The following CLGN variants were observed in gnomAD, a reference collection of about 807,000 sequenced individuals.
The protein encoded by CLGN is testis tissue sperm-binding protein Li 79P.
CLGN carries 62 observed loss-of-function variants against 79.1 expected under a neutral mutation model. The observed-to-expected ratio is 0.78, with a 90% confidence interval of 0.64 to 0.97. The LOEUF is 0.97. Ranked by LOEUF, CLGN falls within the 50% of genes least tolerant of loss-of-function variation. CLGN has a pLI of 0.00. For missense variants in CLGN, 647 were observed against 715.5 expected (o/e 0.90, Z 1.09); for synonymous variants, 225 against 224.7 (o/e 1.00, Z -0.01).
intron 1 of CLGN, among the ~76,000 whole-genome samples, chr4:140,418,247 C>T (rs1267428575): frequency 6.6e-6 from 1 of 151,668 alleles, no homozygotes; most frequent in African/African-American, 2.4e-5. Flanking sequence ...ACCATAAAAA[C>T]CCTAGAAGAA....
At chr4:140,410,160 G>A (rs937185295) in intron 3 of CLGN, among the ~76,000 whole-genome samples, 16 of 151,756 alleles carry the variant, frequency 1.1e-4, no homozygotes, top group African/African-American at 3.9e-4. Context: ...TGTAAAATGG[G>A]GATTAAATAT....
chr4:140,395,941 C>A lies in CLGN; in HGVS notation c.1027G>T (p.Ala343Ser), dbSNP rs774798286. 9.4e-6 allele frequency: 15 copies of A among 1,599,896 alleles called. No homozygotes were observed. ...WNEDTDGEWE[A>S]PQILNPACRI... ...CATGCTGGATTAAGAATCTGAGGTG[C>A]CTCCCATTCTCCATCCGTGTCTTCA... The change falls in exon 10 of 15, where the codon GCA becomes TCA. Residue 343 changes from alanine to serine, a missense_variant. By Grantham distance (99) the Ala-to-Ser change is moderately conservative (BLOSUM62 1). Coordinates refer to ENST00000325617, the MANE Select transcript of CLGN (RefSeq NM_004362.3).
intron 2 of CLGN, 23 bp downstream of exon 2, chr4:140,412,912 A>C: frequency 1.3e-6 from 2 of 1,599,224 alleles, no homozygotes; most frequent in Non-Finnish European, 1.7e-6. Flanking sequence ...AATAATTTAT[A>C]ACCCATTTCT....
intron 2 of CLGN, among the ~76,000 whole-genome samples, chr4:140,412,165 T>C (rs1462653188): frequency 6.6e-6 from 1 of 152,156 alleles, no homozygotes; most frequent in Non-Finnish European, 1.5e-5. Flanking sequence ...AACATACTAT[T>C]CACCTTAAAC....
chr4:140,412,890 A>C (rs747512222), intron 2 of CLGN, 45 bp downstream of exon 2: 1 of 1,530,392 alleles, frequency 6.5e-7, no homozygotes, highest in Admixed American at 1.8e-5. Context: ...ACTTCATTGT[A>C]CTATGTAAAG....
intron 6 of CLGN, among the ~76,000 whole-genome samples, chr4:140,401,031 T>A (rs969559394): frequency 2.0e-5 from 3 of 152,058 alleles, no homozygotes; most frequent in Non-Finnish European, 4.4e-5. Context: ...GGCATAGTGG[T>A]TAACAGCATG....
intron 5 of CLGN, 74 bp from the exon 6 acceptor site, chr4:140,402,140 T>C: frequency 1.3e-6 from 1 of 749,922 alleles, no homozygotes; most frequent in Non-Finnish European, 2.2e-6. Context: ...ATAATCTTAT[T>C]ATTCTCAATT....
At chr4:140,396,737 T>G (rs189506422) in intron 8 of CLGN, among the ~76,000 whole-genome samples, 1 of 151,130 alleles carries the variant, frequency 6.6e-6, no homozygotes, top group African/African-American at 2.4e-5. Context: ...TTTGTATTTT[T>G]AGTAGAGATG....
intron 3 of CLGN, among the ~76,000 whole-genome samples, chr4:140,410,264 C>T (rs1729185474): frequency 6.6e-6 from 1 of 151,862 alleles, no homozygotes; most frequent in Non-Finnish European, 1.5e-5. Flanking sequence ...GAGCAGTACT[C>T]ATATTTGTCA....
At chr4:140,396,891 G>GTGTA (rs1553944631) in intron 8 of CLGN, among the ~76,000 whole-genome samples, 1,501 of 53,644 alleles carry the variant, frequency 0.028, 37 homozygotes, top group Non-Finnish European at 0.039. Flanking sequence ...ATATATATAT[G>GTGTA]TATATATATA....
rs759724778 is a variant in CLGN, at chr4:140,398,979, G to C, written c.756C>G (p.Ser252Arg). The C allele has an allele frequency of 2.5e-6, 4 of 1,613,644 alleles. No homozygotes were observed. The African/African-American group carries it at 5.3e-5, about 22-fold the overall frequency. Reference protein sequence around the residue: ...LVDQTVVNKGSLLEDVVPPIK... With the variant: ...LVDQTVVNKGRLLEDVVPPIK... ...TAGGAGGAACCACATCCTCTAGGAG[G>C]CTTCCTTTGTTTACAACTGTTTGAT... Residue 252 changes from serine (S) to arginine (R), a missense_variant, in exon 8 of 15, where the codon AGC becomes AGG. By Grantham distance (110) the Ser-to-Arg change is moderately radical. Coordinates refer to ENST00000325617, the MANE Select transcript of CLGN (RefSeq NM_004362.3).
intron 4 of CLGN, among the ~76,000 whole-genome samples, chr4:140,406,596 C>G (rs530896163): frequency 6.6e-6 from 1 of 152,328 alleles, no homozygotes; most frequent in South Asian, 2.1e-4. Flanking sequence ...TTAATTCACA[C>G]AAACCCTTCT....
intron 8 of CLGN, among the ~76,000 whole-genome samples, chr4:140,396,903 A>G (rs868322271): frequency 0.028 from 1,825 of 66,266 alleles, 73 homozygotes; most frequent in African/African-American, 0.085. Context: ...ATATATATAT[A>G]TATGTATATA....
At chr4:140,413,490 T>C (rs1729255300) in intron 1 of CLGN, among the ~76,000 whole-genome samples, 1 of 152,186 alleles carries the variant, frequency 6.6e-6, no homozygotes, top group South Asian at 2.1e-4. Context: ...CGCAGGTCAG[T>C]GGGTGCGTGC....
chr4:140,421,269 T>A (rs1030125780), intron 1 of CLGN, among the ~76,000 whole-genome samples: 2 of 152,166 alleles, frequency 1.3e-5, no homozygotes, highest in Non-Finnish European at 2.9e-5. Flanking sequence ...AATATGGGTA[T>A]ACAAATAACT....
intron 1 of CLGN, among the ~76,000 whole-genome samples, chr4:140,414,717 C>T (rs142600526): frequency 0.62 from 87,355 of 141,264 alleles, 29,059 homozygotes; most frequent in Non-Finnish European, 0.72. Flanking sequence ...ACCAAATCTA[C>T]GTCTGATTGG....
At chr4:140,410,963 G>A (rs891484203) in intron 2 of CLGN, among the ~76,000 whole-genome samples, 3 of 152,050 alleles carry the variant, frequency 2.0e-5, no homozygotes, top group Non-Finnish European at 4.4e-5. Context: ...CATGTAAGAT[G>A]TAGAGCTTAG....
chr4:140,397,929 A>T (rs1383720388), intron 8 of CLGN, among the ~76,000 whole-genome samples: 5 of 152,076 alleles, frequency 3.3e-5, no homozygotes, highest in Non-Finnish European at 7.4e-5. Flanking sequence ...CAAAAACAAA[A>T]CACTTAGTAA....
At chr4:140,401,420 CT>C (rs1560741776) in intron 6 of CLGN, among the ~76,000 whole-genome samples, 2 of 152,102 alleles carry the variant, frequency 1.3e-5, no homozygotes, top group African/African-American at 4.8e-5. Flanking sequence ...AAATATACCC[CT>C]GATGTCTCAT....
Sources: allele counts gnomAD v4.1 joint callset (sites outside exome capture counted in the v4.1 genomes callset), GRCh38; gene constraint gnomAD v4.1.1; transcripts MANE v1.5; gene names NCBI Gene and HGNC (gene_info 2026-07-23, HGNC 2026-07-21).